Variants in MAGI2 observed in about 807,000 individuals in gnomAD.
MAGI2 encodes the protein membrane-associated guanylate kinase, WW and PDZ domain-containing protein 2.
A neutral mutation model predicts 133.3 loss-of-function variants in MAGI2; 35 were observed. The ratio of observed to expected loss-of-function variants is 0.26; its 90% CI spans 0.20 to 0.35. MAGI2 has a LOEUF of 0.35. MAGI2 is among the 10% of genes least tolerant of loss of function. The pLI, the probability that MAGI2 is intolerant of heterozygous loss-of-function variation, is 1.00. For missense variants in MAGI2, 1,636 were observed against 1,863.4 expected (o/e 0.88, Z 2.25); for synonymous variants, 729 against 710.6 (o/e 1.03, Z -0.41).
At chr7:78,885,221 G>T (rs1414783347) in intron 2 of MAGI2, among the ~76,000 whole-genome samples, 2 of 151,996 alleles carry the variant, frequency 1.3e-5, no homozygotes, top group Non-Finnish European at 2.9e-5. Flanking sequence ...CACTACCTGG[G>T]GGTTAAAACC....
intron 1 of MAGI2, among the ~76,000 whole-genome samples, chr7:79,111,169 GATTTATA>G (rs1818895559): frequency 6.6e-6 from 1 of 152,120 alleles, no homozygotes; most frequent in Non-Finnish European, 1.5e-5. Context: ...AAAATAATTT[GATTTATA>G]AGACAATTTA....
At chr7:78,755,039 T>A (rs1358211793) in intron 2 of MAGI2, among the ~76,000 whole-genome samples, 1 of 152,228 alleles carries the variant, frequency 6.6e-6, no homozygotes, top group Non-Finnish European at 1.5e-5. Context: ...TCATATGCAC[T>A]GAAATTCAAC....
intron 7 of MAGI2, among the ~76,000 whole-genome samples, chr7:78,361,438 C>T (rs192989100): frequency 2.0e-5 from 3 of 151,094 alleles, no homozygotes; most frequent in African/African-American, 7.3e-5. Flanking sequence ...CCCTCCCCCC[C>T]ACAAAATGTG....
intron 9 of MAGI2, among the ~76,000 whole-genome samples, chr7:78,320,998 A>G (rs12540000): frequency 0.18 from 27,825 of 152,164 alleles, 3,125 homozygotes; most frequent in East Asian, 0.31. Flanking sequence ...CAGCCAAATC[A>G]TGAGTGAACT....
chr7:78,427,297 T>G (rs1013042751), intron 6 of MAGI2, among the ~76,000 whole-genome samples: 2 of 152,060 alleles, frequency 1.3e-5, no homozygotes, highest in African/African-American at 4.8e-5. Flanking sequence ...AAACCCAATA[T>G]TACCAGGCTG....
At chr7:78,369,000 G>A (rs1352617979) in intron 7 of MAGI2, among the ~76,000 whole-genome samples, 156 bp downstream of exon 7, 1 of 152,012 alleles carries the variant, frequency 6.6e-6, no homozygotes, top group Non-Finnish European at 1.5e-5. Flanking sequence ...GGAGAGGAAA[G>A]AAACAGCTAG....
In MAGI2 at chr7:78,870,429, C is replaced by CA. The variant is rs1311825480; in HGVS notation, c.418+136660dup. On this transcript the variant is annotated intron_variant, in intron 2 of 21. Coordinates refer to ENST00000354212, the MANE Select transcript of MAGI2 (RefSeq NM_012301.4). Reference sequence around the variant, plus strand: ...TCTCAAAAGAAGATATACAAATGACCAAAAAATATACAAAAAAATGCTCAA... The same window carrying CA: ...TCTCAAAAGAAGATATACAAATGACCAAAAAAATATACAAAAAAATGCTCAA... 4.0e-5 allele frequency among the ~76,000 whole-genome samples: 6 copies of CA among 150,882 alleles called. No homozygotes were observed. In the East Asian group the frequency reaches 1.2e-3, roughly 29 times the overall value.
intron 6 of MAGI2, among the ~76,000 whole-genome samples, chr7:78,379,188 T>TAAACAGA: frequency 6.6e-6 from 1 of 152,042 alleles, no homozygotes; most frequent in Admixed American, 6.6e-5. Context: ...AACAGTCATA[T>TAAACAGA]TATAATACGG....
intron 2 of MAGI2, among the ~76,000 whole-genome samples, chr7:78,822,730 C>T (rs1790236101): frequency 6.6e-6 from 1 of 151,916 alleles, no homozygotes; most frequent in African/African-American, 2.4e-5. Flanking sequence ...AGACAGCATG[C>T]CTGAAGTATT....
At chr7:79,060,138 C>A (rs994182471) in intron 1 of MAGI2, among the ~76,000 whole-genome samples, 1 of 152,000 alleles carries the variant, frequency 6.6e-6, no homozygotes, top group South Asian at 2.1e-4. Context: ...ACCAAAATAT[C>A]TCTTACTAAC....
At chr7:79,048,566 A>G (rs572929852) in intron 1 of MAGI2, among the ~76,000 whole-genome samples, 3 of 152,242 alleles carry the variant, frequency 2.0e-5, no homozygotes, top group Non-Finnish European at 4.4e-5. Flanking sequence ...GAGTAAATGT[A>G]TAAATATTTC....
At chr7:78,638,088 A>T (rs1224038682) in intron 2 of MAGI2, among the ~76,000 whole-genome samples, 1 of 151,800 alleles carries the variant, frequency 6.6e-6, no homozygotes, top group Non-Finnish European at 1.5e-5. Flanking sequence ...AGAAAAGAAA[A>T]GAAAAAAAAA....
chr7:78,678,988 A>G (rs1035527991), intron 2 of MAGI2, among the ~76,000 whole-genome samples: 3 of 152,180 alleles, frequency 2.0e-5, no homozygotes, highest in African/African-American at 7.2e-5. Flanking sequence ...CCAATGATAT[A>G]ACTGATAAAC....
At chr7:79,077,017 G>T (rs537913778) in intron 1 of MAGI2, among the ~76,000 whole-genome samples, 45 of 152,264 alleles carry the variant, frequency 3.0e-4, no homozygotes, top group African/African-American at 1.0e-3. Context: ...ACTGGGATAT[G>T]GTATAAGCTG....
At chr7:78,297,865 T>G (rs1797434516) in intron 9 of MAGI2, among the ~76,000 whole-genome samples, 1 of 141,488 alleles carries the variant, frequency 7.1e-6, no homozygotes, top group Non-Finnish European at 1.5e-5. Flanking sequence ...GGGATAGCAT[T>G]GGGAGATACA....
intron 1 of MAGI2, among the ~76,000 whole-genome samples, chr7:79,268,626 G>A (rs1388385452): frequency 6.6e-6 from 1 of 152,184 alleles, no homozygotes; most frequent in African/African-American, 2.4e-5. Context: ...GCAGACTGAA[G>A]TATACTAGAG....
In MAGI2 at chr7:78,255,994, G is replaced by A. The variant is rs1294916235; in HGVS notation, c.1996C>T (p.Leu666Phe). The A allele has an allele frequency of 1.2e-6, 2 of 1,613,858 alleles. No homozygotes were observed. Among genetic ancestry groups the A allele is most frequent in the Admixed American group, 1.7e-5 (1 of 60,012 alleles). Reference sequence around the variant, plus strand: ...TCACTTCCAATGGGACAGTCCTTAAGTATATCCACTACTTCTGTATGGCTC... The same window carrying A: ...TCACTTCCAATGGGACAGTCCTTAAATATATCCACTACTTCTGTATGGCTC... Reference protein sequence around the residue: ...NLSHTEVVDILKDCPIGSETS... With the variant: ...NLSHTEVVDIFKDCPIGSETS... Residue 666 changes from leucine to phenylalanine, a missense_variant, in exon 10 of 22, where the codon CTT becomes TTT. By Grantham distance (22) the Leu-to-Phe change is conservative (BLOSUM62 0). This residue lies in a region of MAGI2 where 920 missense variants were observed against 1,093.5 expected (regional missense o/e 0.84). Transcript: ENST00000354212.
At chr7:78,427,050 A>G in intron 6 of MAGI2, among the ~76,000 whole-genome samples, 1 of 152,200 alleles carries the variant, frequency 6.6e-6, no homozygotes, top group East Asian at 1.9e-4. Context: ...TTAACTCTAA[A>G]GTGTGGCAAG....
At chr7:78,580,104 G>A (rs559476884) in intron 3 of MAGI2, among the ~76,000 whole-genome samples, 1 of 147,872 alleles carries the variant, frequency 6.8e-6, no homozygotes, top group Admixed American at 7.0e-5. Context: ...AATGTAATGT[G>A]TTTATGTATA....
Sources: allele counts gnomAD v4.1 joint callset (sites outside exome capture counted in the v4.1 genomes callset), GRCh38; gene constraint gnomAD v4.1.1; regional missense constraint gnomAD v4.1.1; transcripts MANE v1.5; gene names NCBI Gene and HGNC (gene_info 2026-07-23, HGNC 2026-07-21).